SLC16A10: variants seen among roughly 807,000 people sequenced by gnomAD.
The protein encoded by SLC16A10 is solute carrier family 16 member 10, also known as monocarboxylate transporter 10.
In SLC16A10, 27 loss-of-function variants were observed where a neutral mutation model predicts 40.0. The ratio of observed to expected loss-of-function variants is 0.67; its 90% CI spans 0.50 to 0.93. SLC16A10 has a LOEUF of 0.93. Ranked by LOEUF, SLC16A10 falls within the 40% of genes least tolerant of loss-of-function variation. The pLI is 0.00. For missense variants in SLC16A10, 529 were observed against 658.2 expected (o/e 0.80, Z 2.15); for synonymous variants, 213 against 249.8 (o/e 0.85, Z 1.39).
intron 1 of SLC16A10, 41 bp downstream of exon 1, chr6:111,088,136 C>T (rs1202803815): frequency 3.2e-6 from 5 of 1,572,868 alleles, no homozygotes; most frequent in Non-Finnish European, 4.3e-6. Flanking sequence ...GGGCGACCCG[C>T]GTGGGGCCCC....
chr6:111,181,314 G>C (rs928179735), intron 3 of SLC16A10, among the ~76,000 whole-genome samples: 8 of 152,000 alleles, frequency 5.3e-5, no homozygotes, highest in Non-Finnish European at 7.4e-5. Flanking sequence ...TCCTCTGTAA[G>C]CATCAGTTTC....
chr6:111,092,892 T>G (rs968762199), intron 1 of SLC16A10, among the ~76,000 whole-genome samples: 1 of 151,366 alleles, frequency 6.6e-6, no homozygotes, highest in South Asian at 2.1e-4. Context: ...ATACAAAAAA[T>G]TAGCTGGGCA....
At chr6:111,144,044 G>A (rs1440560307) in intron 1 of SLC16A10, among the ~76,000 whole-genome samples, 1 of 152,026 alleles carries the variant, frequency 6.6e-6, no homozygotes, top group African/African-American at 2.4e-5. Context: ...TACTCTGGTG[G>A]GGGATGTTTA....
rs200362330 is a variant in SLC16A10, at chr6:111,165,263, G to GT, written c.344-7425dup. ...TTTGGGTTTCATGAGGAAAACAGAGGTTTTTTTCTAAAATGGGGTCAGTGG... is the reference window on the plus strand; with the variant it reads ...TTTGGGTTTCATGAGGAAAACAGAGGTTTTTTTTCTAAAATGGGGTCAGTGG... On this transcript the variant is annotated intron_variant, in intron 1 of 5. Coordinates refer to ENST00000368851, the MANE Select transcript of SLC16A10 (RefSeq NM_018593.5). 2.1e-4 allele frequency among the ~76,000 whole-genome samples: 32 copies of GT among 152,250 alleles called. No homozygotes were observed. In the East Asian group the frequency reaches 6.0e-3, roughly 28 times the overall value.
chr6:111,127,564 T>A (rs6921109), intron 1 of SLC16A10, among the ~76,000 whole-genome samples: 151,229 of 152,326 alleles, frequency 0.99, 75,070 homozygotes, highest in East Asian at 1. Flanking sequence ...AAGGAAATAA[T>A]GGTATAGAAG....
rs1770985254 is a variant in SLC16A10 at position 111,225,738 on chromosome 6, A to T, written c.*3503A>T. On this transcript the variant is annotated 3_prime_UTR_variant, in exon 6 of 6. Coordinates refer to ENST00000368851, the MANE Select transcript of SLC16A10 (RefSeq NM_018593.5). ...AACTGAATAGAAAATATGACACGAG[A>T]TCGGGGAGGGGGAAGGCAACCTATA... The T allele has an allele frequency of 6.6e-6, 1 of 152,092 alleles. No individual in the cohort carries two copies. The highest frequency in any genetic ancestry group is 1.5e-5 in the Non-Finnish European group (1 of 68,030). 9.4% of individuals were successfully genotyped at this position (152,092 alleles called of 1,614,324 possible).
chr6:111,101,280 C>T (rs951741927), intron 1 of SLC16A10, among the ~76,000 whole-genome samples: 2 of 151,972 alleles, frequency 1.3e-5, no homozygotes, highest in African/African-American at 4.8e-5. Context: ...AATCTGTCCA[C>T]CTCAGCCTCT....
At chr6:111,112,336 G>T (rs1261458270) in intron 1 of SLC16A10, among the ~76,000 whole-genome samples, 1 of 152,152 alleles carries the variant, frequency 6.6e-6, no homozygotes, top group African/African-American at 2.4e-5. Context: ...TGCCTGGCCA[G>T]TATTTGTATT....
intron 1 of SLC16A10, among the ~76,000 whole-genome samples, chr6:111,134,721 C>T (rs1771846744): frequency 6.6e-6 from 1 of 152,242 alleles, no homozygotes. Context: ...ATAAGCCACT[C>T]CCTTGTCCAT....
chr6:111,131,465 A>AC (rs1333149287), intron 1 of SLC16A10, among the ~76,000 whole-genome samples: 2 of 151,876 alleles, frequency 1.3e-5, no homozygotes, highest in East Asian at 1.9e-4. Flanking sequence ...AAGAACAAGG[A>AC]CCCCCCGGTA....
At chr6:111,215,910 A>C (rs1195424557) in intron 4 of SLC16A10, among the ~76,000 whole-genome samples, 8 of 152,110 alleles carry the variant, frequency 5.3e-5, no homozygotes, top group Admixed American at 5.2e-4. Context: ...TGGGAGGATC[A>C]CTTTGAGCCC....
At chr6:111,091,145 G>C (rs1770968298) in intron 1 of SLC16A10, 1 of 152,162 alleles carries the variant, frequency 6.6e-6, no homozygotes, top group South Asian at 2.1e-4. Context: ...AAGAAGTGGA[G>C]CCAGAATTCA....
intron 3 of SLC16A10, chr6:111,193,368 G>A: frequency 8.3e-6 from 8 of 964,804 alleles, no homozygotes; most frequent in Non-Finnish European, 9.9e-6. Flanking sequence ...GCCTTAGGCA[G>A]TATTCACCAG....
chr6:111,182,117 A>G (rs555850703), intron 3 of SLC16A10, among the ~76,000 whole-genome samples: 4 of 151,208 alleles, frequency 2.6e-5, no homozygotes, highest in Non-Finnish European at 5.9e-5. Context: ...TCCTGCCTCA[A>G]CCTCCCTAGT....
intron 3 of SLC16A10, chr6:111,193,239 A>C (rs2114568405): frequency 2.1e-6 from 2 of 969,684 alleles, no homozygotes; most frequent in Non-Finnish European, 2.5e-6. Flanking sequence ...AATGATGTCT[A>C]TGCTTTTCTT....
At chr6:111,136,015 G>C (rs1217363743) in intron 1 of SLC16A10, among the ~76,000 whole-genome samples, 1 of 152,140 alleles carries the variant, frequency 6.6e-6, no homozygotes, top group Non-Finnish European at 1.5e-5. Flanking sequence ...AACTAAGAAG[G>C]TTCCTTGGCA....
intron 5 of SLC16A10, 29 bp from the exon 6 acceptor site, chr6:111,221,974 C>T: frequency 6.3e-7 from 1 of 1,588,534 alleles, no homozygotes; most frequent in Non-Finnish European, 8.5e-7. Context: ...CACTTGTTCT[C>T]CCTTGGTGAC....
chr6:111,142,716 A>G (rs1301903109), intron 1 of SLC16A10, among the ~76,000 whole-genome samples: 1 of 152,194 alleles, frequency 6.6e-6, no homozygotes, highest in Non-Finnish European at 1.5e-5. Flanking sequence ...AACACTGACA[A>G]CACCAAGTGC....
chr6:111,177,248 A>G lies in SLC16A10; in HGVS notation c.525A>G (p.Ile175Met), dbSNP rs1197615429. The G allele has an allele frequency of 3.2e-6, 5 of 1,575,536 alleles. No homozygotes were observed. Among genetic ancestry groups the G allele is most frequent in the Non-Finnish European group, 4.3e-6 (5 of 1,163,856 alleles). The change falls in exon 3 of 6, where the codon ATA (isoleucine) becomes ATG (methionine). Residue 175 changes from isoleucine to methionine, a missense_variant. Physicochemically the swap from Ile to Met is conservative, Grantham distance 10. Coordinates refer to ENST00000368851, the MANE Select transcript of SLC16A10 (RefSeq NM_018593.5). ...CTCTGTACCTTACCTATGGAATCAT[A>G]TTTGCCTGCGGCTGCTCCTTTGCAT... is the stretch of plus-strand genomic sequence containing the variant. ...IEPLYLTYGIIFACGCSFAYQ... is the reference protein window; with the variant it reads ...IEPLYLTYGIMFACGCSFAYQ...
Sources: gnomAD v4.1 joint callset for allele counts (sites outside exome capture counted in the v4.1 genomes callset) on GRCh38, gnomAD v4.1.1 for gene constraint, MANE v1.5 for transcripts, NCBI Gene and HGNC (gene_info 2026-07-23, HGNC 2026-07-21) for gene names.